The following DENND5A variants were observed in gnomAD, a reference collection of about 807,000 sequenced individuals.
DENND5A encodes the protein DENN domain containing 5A, also known as DENN domain-containing protein 5A.
DENND5A carries 64 observed loss-of-function variants against 140.3 expected under a neutral mutation model. That is an observed-to-expected ratio of 0.46 (90% CI 0.37 to 0.56). DENND5A has a LOEUF of 0.56. DENND5A is among the 20% of genes least tolerant of loss of function. DENND5A has a pLI of 0.00. For missense variants in DENND5A, 1,292 were observed against 1,593.8 expected, an observed-to-expected ratio of 0.81 and a Z score of 3.22; for synonymous variants, 605 against 607.7, an observed-to-expected ratio of 1.00 and a Z score of 0.07.
intron 8 of DENND5A, among the ~76,000 whole-genome samples, chr11:9,173,385 A>C (rs1848438803): frequency 6.6e-6 from 1 of 152,250 alleles, no homozygotes; most frequent in African/African-American, 2.4e-5. Context: ...TATTATTCAA[A>C]TCCCTTTAAA....
rs572197065 is a variant in DENND5A at position 9,194,231 on chromosome 11, G to A, written c.950-550C>T. On this transcript the variant is annotated intron_variant, in intron 4 of 22. Transcript: ENST00000328194. ...CTACACCTGGCAACCTTTCCTGAAT[G>A]AGAACAGCATAAAAATGTTATTATA... Among the ~76,000 whole-genome samples, 4 of 152,268 alleles carry A rather than the reference G, an allele frequency of 2.6e-5. No individual in the cohort carries two copies. The East Asian group carries it at 5.8e-4, about 22-fold the overall frequency.
intron 1 of DENND5A, among the ~76,000 whole-genome samples, chr11:9,228,812 C>T (rs12363839): frequency 0.16 from 24,707 of 152,102 alleles, 2,228 homozygotes; most frequent in Non-Finnish European, 0.21. Flanking sequence ...AGCGTGAGCA[C>T]GAAGGCTCCA....
chr11:9,174,516 C>CTTTT (rs575928246), intron 8 of DENND5A, among the ~76,000 whole-genome samples: 1 of 133,784 alleles, frequency 7.5e-6, no homozygotes. Flanking sequence ...AAGGTTATTT[C>CTTTT]TTTTTTTTTT....
intron 4 of DENND5A, among the ~76,000 whole-genome samples, chr11:9,202,212 C>A (rs1849545350): frequency 6.6e-6 from 1 of 152,094 alleles, no homozygotes; most frequent in Admixed American, 6.6e-5. Flanking sequence ...GAGAAACTCA[C>A]AACTAAAAGC....
In DENND5A at chr11:9,150,666, G is replaced by A; in HGVS notation, c.2606+14C>T. ...AGGATTTTAGTGGCTTATTACATGT[G>A]AGCCCATACTGACCTCATATCCTGA... On this transcript the variant is annotated intron_variant, in intron 14 of 22. Coordinates refer to ENST00000328194, the MANE Select transcript of DENND5A (RefSeq NM_015213.4). The A allele has an allele frequency of 1.9e-6, 3 of 1,595,504 alleles. No homozygotes were observed. Among genetic ancestry groups the A allele is most frequent in the Non-Finnish European group, 2.6e-6 (3 of 1,166,856 alleles).
chr11:9,145,845 G>A, intron 16 of DENND5A, 30 bp from the exon 17 acceptor site: 2 of 1,613,272 alleles, frequency 1.2e-6, no homozygotes, highest in Non-Finnish European at 1.7e-6. Context: ...AAAGTATTGA[G>A]GAGAATTAGG....
At chr11:9,218,280 A>C (rs1447291155) in intron 1 of DENND5A, among the ~76,000 whole-genome samples, 2 of 152,158 alleles carry the variant, frequency 1.3e-5, no homozygotes, top group East Asian at 1.9e-4. Context: ...CAAAAAAAAA[A>C]CAAGCTTGTG....
At position 9,260,027 on chromosome 11, in the gene DENND5A, CAAAAAAAAA is replaced by C. The variant is rs56390201; in HGVS notation, c.109+4925_109+4933del. Among the ~76,000 whole-genome samples the C allele has an allele frequency of 1.9e-3, 123 of 63,916 alleles. 1 individual carries two copies. Among genetic ancestry groups the C allele is most frequent in the Non-Finnish European group, 3.0e-3 (100 of 33,552 alleles). 41.9% of individuals were successfully genotyped at this position (63,916 alleles called of 152,430 possible). A position where few individuals can be genotyped will look rare whatever the true frequency, so the allele number is the denominator to read the frequency against. ...TGGGCAAAAGAGCAGGACTCCATCT[CAAAAAAAAA>C]AAAAAAAAAAAAAAGAGAGAGACTA... On this transcript the variant is annotated intron_variant, in intron 1 of 22. Coordinates refer to ENST00000328194, the MANE Select transcript of DENND5A (RefSeq NM_015213.4).
intron 1 of DENND5A, among the ~76,000 whole-genome samples, chr11:9,234,642 G>T (rs1850924735): frequency 6.6e-6 from 1 of 152,182 alleles, no homozygotes; most frequent in Non-Finnish European, 1.5e-5. Flanking sequence ...CAGAATGAGG[G>T]CAAGGAACAC....
In DENND5A at chr11:9,193,551, C is replaced by A; in HGVS notation, c.1080G>T (p.Leu360=). 2 of 1,613,710 alleles carry A rather than the reference C, an allele frequency of 1.2e-6. No homozygotes were observed. The highest frequency in any genetic ancestry group is 1.7e-6 in the Non-Finnish European group (2 of 1,179,854). ...LHFLDAPVPY[L]MGLHSNGLDD... Reference sequence around the variant, plus strand: ...CCAGGCCATTGGAATGCAAACCCATCAGGTATGGAACAGGAGCATCTAAGA... The same window carrying A: ...CCAGGCCATTGGAATGCAAACCCATAAGGTATGGAACAGGAGCATCTAAGA... The change falls in exon 5 of 23, where the codon CTG becomes CTT. Residue 360 remains leucine (L), a synonymous_variant. Transcript: ENST00000328194.
At chr11:9,152,215 T>C in intron 13 of DENND5A, 143 bp downstream of exon 13, 2 of 688,292 alleles carry the variant, frequency 2.9e-6, no homozygotes, top group Non-Finnish European at 5.3e-6. Context: ...GTTCAGAGAG[T>C]CTGGTGGCTC....
At chr11:9,223,780 T>C (rs1850417978) in intron 1 of DENND5A, among the ~76,000 whole-genome samples, 1 of 152,196 alleles carries the variant, frequency 6.6e-6, no homozygotes, top group African/African-American at 2.4e-5. Flanking sequence ...CTATTGCCTG[T>C]AGGTTACAGC....
At chr11:9,213,036 T>G (rs946393416) in intron 1 of DENND5A, among the ~76,000 whole-genome samples, 37 of 147,096 alleles carry the variant, frequency 2.5e-4, no homozygotes, top group South Asian at 2.2e-4. Flanking sequence ...AGAGTTTTAC[T>G]CTTGTTGCCC....
chr11:9,245,935 A>G (rs1320180439), intron 1 of DENND5A, among the ~76,000 whole-genome samples: 2 of 152,096 alleles, frequency 1.3e-5, no homozygotes, highest in African/African-American at 2.4e-5. Context: ...TGCCCAACCT[A>G]TCTCTTCATA....
intron 10 of DENND5A, 62 bp downstream of exon 10, chr11:9,169,794 G>A (rs1848311573): frequency 9.6e-7 from 1 of 1,041,548 alleles, no homozygotes; most frequent in East Asian, 2.4e-5. Flanking sequence ...CAGGAAATGA[G>A]AAAGAGAAGG....
chr11:9,263,715 GC>G (rs1352294566), intron 1 of DENND5A, among the ~76,000 whole-genome samples: 15 of 148,010 alleles, frequency 1.0e-4, no homozygotes, highest in African/African-American at 3.7e-4. Context: ...GGTGGCGGGC[GC>G]CTGTAGTCCC....
intron 4 of DENND5A, among the ~76,000 whole-genome samples, chr11:9,200,990 C>T (rs1297786661): frequency 2.0e-5 from 3 of 151,990 alleles, no homozygotes; most frequent in Non-Finnish European, 4.4e-5. Flanking sequence ...ATTCCTTTGC[C>T]CATGGACCAA....
At chr11:9,157,012 C>G (rs560589466) in intron 12 of DENND5A, among the ~76,000 whole-genome samples, 1 of 151,966 alleles carries the variant, frequency 6.6e-6, no homozygotes, top group Non-Finnish European at 1.5e-5. Flanking sequence ...TATAATGATA[C>G]GATACTATTT....
chr11:9,247,252 T>C (rs1301191082), intron 1 of DENND5A, among the ~76,000 whole-genome samples: 1 of 150,698 alleles, frequency 6.6e-6, no homozygotes, highest in Non-Finnish European at 1.5e-5. Context: ...AAAAAACCCT[T>C]GCCTGCAAGC....
Sources: gnomAD v4.1 joint callset for allele counts (sites outside exome capture counted in the v4.1 genomes callset) on GRCh38, gnomAD v4.1.1 for gene constraint, MANE v1.5 for transcripts, NCBI Gene and HGNC (gene_info 2026-07-23, HGNC 2026-07-21) for gene names.